ADAM22: variants seen among roughly 807,000 people sequenced by gnomAD.
ADAM22 encodes disintegrin and metalloproteinase domain-containing protein 22.
Under a neutral mutation model 144.6 loss-of-function variants are expected in ADAM22, and 65 were observed. That is an observed-to-expected ratio of 0.45 (90% CI 0.37 to 0.55). ADAM22 has a LOEUF of 0.55. Ranked by LOEUF, ADAM22 falls within the 20% of genes least tolerant of loss-of-function variation. ADAM22 has a pLI of 0.00. For synonymous variants in ADAM22, 391 were observed against 412.6 expected (o/e 0.95, Z 0.63); for missense variants, 974 against 1,184.9 (o/e 0.82, Z 2.61).
intron 3 of ADAM22, among the ~76,000 whole-genome samples, chr7:87,983,918 C>A (rs1854319792): frequency 6.6e-6 from 1 of 152,102 alleles, no homozygotes; most frequent in African/African-American, 2.4e-5. Context: ...CAACCCTCCA[C>A]AACAAGGCCT....
intron 3 of ADAM22, among the ~76,000 whole-genome samples, chr7:88,022,562 C>T (rs1798073221): frequency 6.6e-6 from 1 of 152,076 alleles, no homozygotes; most frequent in African/African-American, 2.4e-5. Context: ...AAAAAAGGTG[C>T]ATACCATTCT....
Position 88,143,101 on chromosome 7 carries a change from C to T in ADAM22, c.1296C>T (p.Ala432=). Residue 432 remains alanine (A), a synonymous_variant, in exon 15 of 32, where the codon GCC becomes GCT. Coordinates refer to ENST00000413139, the MANE Select transcript of ADAM22 (RefSeq NM_001324418.2). ...YHDFLNSGGG[A]CLFNKPSKLL... is the part of the protein sequence containing the mutation. ...ACTTCCTGAATAGTGGAGGTGGTGC[C>T]TGCCTTTTCAACAAACCTTCTAAGG... is the stretch of plus-strand genomic sequence containing the variant. 1 of 1,611,962 alleles carries T rather than the reference C, an allele frequency of 6.2e-7. No individual in the cohort carries two copies. The highest frequency in any genetic ancestry group is 1.3e-5 in the African/African-American group (1 of 74,946).
intron 25 of ADAM22, 183 bp downstream of exon 25, chr7:88,168,410 T>A: frequency 1.5e-6 from 1 of 662,212 alleles, no homozygotes; most frequent in Non-Finnish European, 2.8e-6. Context: ...CATCATTTTT[T>A]AGATTTTGAG....
In ADAM22 at chr7:88,196,977, A is replaced by G. The variant is rs556251988; in HGVS notation, c.*486A>G. 1 of 155,526 alleles carries G rather than the reference A, an allele frequency of 6.4e-6. No homozygotes were observed. Among genetic ancestry groups the G allele is most frequent in the Non-Finnish European group, 1.4e-5 (1 of 69,906 alleles). 9.6% of individuals were successfully genotyped at this position (155,526 alleles called of 1,614,324 possible). A position where few individuals can be genotyped will look rare whatever the true frequency, so the allele number is the denominator to read the frequency against. The stretch of plus-strand genomic sequence containing the variant: ...AGAAATGAGCATGCAGGGCTAAGGC[A>G]TATAGGATTTTTCTGCAGGACTTTA... On this transcript the variant is annotated 3_prime_UTR_variant, in exon 32 of 32. Coordinates refer to ENST00000413139, the MANE Select transcript of ADAM22 (RefSeq NM_001324418.2).
chr7:88,146,228 G>A (rs989335331), intron 17 of ADAM22, among the ~76,000 whole-genome samples: 1 of 152,192 alleles, frequency 6.6e-6, no homozygotes, highest in Non-Finnish European at 1.5e-5. Flanking sequence ...TCATGGAGCA[G>A]AGCCAGGCAC....
At chr7:87,977,515 G>A (rs1394540840) in intron 2 of ADAM22, among the ~76,000 whole-genome samples, 4 of 152,192 alleles carry the variant, frequency 2.6e-5, no homozygotes. Context: ...ACATAAACAC[G>A]AAAAATTCCA....
chr7:88,059,851 A>G (rs1267727190), intron 3 of ADAM22, among the ~76,000 whole-genome samples: 1 of 152,118 alleles, frequency 6.6e-6, no homozygotes. Context: ...AACAATAGAC[A>G]CTAGGGACTC....
chr7:87,953,492 C>T (rs905852071), intron 2 of ADAM22, among the ~76,000 whole-genome samples: 1 of 152,184 alleles, frequency 6.6e-6, no homozygotes, highest in Non-Finnish European at 1.5e-5. Flanking sequence ...TTTGATTGCA[C>T]TGTGGTCTGA....
intron 5 of ADAM22, among the ~76,000 whole-genome samples, chr7:88,113,739 T>TATATATATATATATAG (rs1826940893): frequency 1.5e-5 from 2 of 129,678 alleles, no homozygotes; most frequent in Non-Finnish European, 3.2e-5. Context: ...TATATATATA[T>TATATATATATATATAG]AGTAAGTCCT....
At chr7:87,977,735 G>T in intron 2 of ADAM22, among the ~76,000 whole-genome samples, 1 of 152,018 alleles carries the variant, frequency 6.6e-6, no homozygotes, top group South Asian at 2.1e-4. Flanking sequence ...AGGAAATAGT[G>T]AATTTTTTTT....
chr7:88,143,482 C>G (rs1835410283), intron 15 of ADAM22, among the ~76,000 whole-genome samples: 1 of 152,078 alleles, frequency 6.6e-6, no homozygotes, highest in Non-Finnish European at 1.5e-5. Context: ...ACAACTCATA[C>G]AGGTAGAAGG....
chr7:87,935,318 C>G (rs1840979237), intron 2 of ADAM22, 132 bp downstream of exon 2: 1 of 1,024,468 alleles, frequency 9.8e-7, no homozygotes, highest in African/African-American at 1.6e-5. Context: ...GCGAGTCATG[C>G]ATGGCGCTCC....
At chr7:88,181,672 G>A (rs952024090) in intron 28 of ADAM22, 67 bp downstream of exon 28, 3 of 1,370,556 alleles carry the variant, frequency 2.2e-6, no homozygotes, top group Admixed American at 3.9e-5. Flanking sequence ...GCCCCTGGTT[G>A]TAAAGACTTT....
At chr7:88,195,689 T>G (rs191548769) in intron 31 of ADAM22, among the ~76,000 whole-genome samples, 1 of 152,142 alleles carries the variant, frequency 6.6e-6, no homozygotes, top group East Asian at 1.9e-4. Flanking sequence ...CTAATTTTTT[T>G]TGTATTTTTA....
In ADAM22 at chr7:88,010,530, C is replaced by T. The variant is rs867162538; in HGVS notation, c.323+32118C>T. Among the ~76,000 whole-genome samples the T allele has an allele frequency of 3.9e-5, 6 of 152,216 alleles. 1 individual carries two copies. The South Asian group carries it at 1.2e-3, about 32-fold the overall frequency. ...TTTTATTCTCTACTCCTGAAAAAGG[C>T]CTTTTTCTTAAAAAATGATTGCAGG... On this transcript the variant is annotated intron_variant, in intron 3 of 31. Coordinates refer to ENST00000413139, the MANE Select transcript of ADAM22 (RefSeq NM_001324418.2).
intron 2 of ADAM22, among the ~76,000 whole-genome samples, chr7:87,968,941 AAG>A (rs372251529): frequency 5.9e-5 from 9 of 151,646 alleles, no homozygotes; most frequent in African/African-American, 1.7e-4. Context: ...GAGCAGAAGG[AAG>A]AGAGAGAGAG....
chr7:88,133,009 A>G, intron 12 of ADAM22, 58 bp downstream of exon 12: 1 of 1,474,852 alleles, frequency 6.8e-7, no homozygotes. Flanking sequence ...TGTTTTCCTC[A>G]TACTTAAGAG....
At chr7:87,965,370 A>C (rs1848821032) in intron 2 of ADAM22, among the ~76,000 whole-genome samples, 1 of 152,152 alleles carries the variant, frequency 6.6e-6, no homozygotes, top group Admixed American at 6.5e-5. Flanking sequence ...TAGACGAGTG[A>C]GATATGTTAG....
At chr7:88,008,925 A>G (rs1023877829) in intron 3 of ADAM22, among the ~76,000 whole-genome samples, 9 of 151,658 alleles carry the variant, frequency 5.9e-5, no homozygotes, top group Admixed American at 3.9e-4. Flanking sequence ...AAGAAAAAAA[A>G]GAAAAAAAAA....
Sources: gnomAD v4.1 joint callset for allele counts (sites outside exome capture counted in the v4.1 genomes callset) on GRCh38, gnomAD v4.1.1 for gene constraint, MANE v1.5 for transcripts, NCBI Gene and HGNC (gene_info 2026-07-23, HGNC 2026-07-21) for gene names.